The following ITGA2 variants were observed in gnomAD, a reference collection of about 807,000 sequenced individuals.
ITGA2 encodes integrin subunit alpha 2, also known as integrin alpha-2.
ITGA2 carries 101 observed loss-of-function variants against 146.3 expected under a neutral mutation model. The observed-to-expected ratio is 0.69, with a 90% CI of 0.59 to 0.81. The LOEUF (loss-of-function observed/expected upper bound fraction) is 0.81, where lower values mean the gene tolerates loss of function less well. Ranked by LOEUF, ITGA2 falls within the 40% of genes least tolerant of loss-of-function variation. The pLI is 0.00. For missense variants in ITGA2, 1,281 were observed against 1,402.7 expected (o/e 0.91, Z 1.39); for synonymous variants, 477 against 487.1 (o/e 0.98, Z 0.27).
chr5:53,080,447 T>A, intron 24 of ITGA2, 64 bp from the exon 25 acceptor site: 1 of 1,278,448 alleles, frequency 7.8e-7, no homozygotes, highest in South Asian at 1.2e-5. Context: ...ACGGGGTTAC[T>A]GGTGAATTTC....
chr5:53,009,023 G>A (rs1741991498), intron 1 of ITGA2, among the ~76,000 whole-genome samples: 1 of 152,122 alleles, frequency 6.6e-6, no homozygotes, highest in Admixed American at 6.5e-5. Context: ...GGCCCAGACA[G>A]ACACCTGCAC....
Position 53,073,174 on chromosome 5 carries a change from T to C in ITGA2, c.2486T>C (p.Leu829Pro). 2.5e-6 allele frequency: 4 copies of C among 1,612,492 alleles called. No individual in the cohort carries two copies. The highest frequency in any genetic ancestry group is 3.4e-6 in the Non-Finnish European group (4 of 1,178,926). ...AAAAGGTTAACATTTTCAGTAACGC[T>C]GAAAAATAAAAGGGAAAGTGCATAC... ...QNKRLTFSVT[L>P]KNKRESAYNT... Residue 829 changes from leucine to proline, a missense_variant, in exon 20 of 30, where the codon CTG becomes CCG. Transcript: ENST00000296585.
chr5:53,080,691 C>A, intron 25 of ITGA2, 70 bp downstream of exon 25: 3 of 1,100,970 alleles, frequency 2.7e-6, no homozygotes, highest in East Asian at 2.4e-5. Flanking sequence ...TTAGGGTGAT[C>A]ATGTCTGACA....
At chr5:53,044,163 T>A (rs977253642) in intron 3 of ITGA2, among the ~76,000 whole-genome samples, 3 of 149,656 alleles carry the variant, frequency 2.0e-5, no homozygotes, top group African/African-American at 7.4e-5. Flanking sequence ...TATTCCCAGC[T>A]ACTTGGGAGG....
At chr5:53,025,895 T>C (rs1002991024) in intron 1 of ITGA2, among the ~76,000 whole-genome samples, 2 of 152,220 alleles carry the variant, frequency 1.3e-5, no homozygotes, top group Admixed American at 1.3e-4. Context: ...GCTGTCAGTG[T>C]CATACAGAGA....
At chr5:53,078,924 A>T (rs892045382) in intron 24 of ITGA2, 50 bp downstream of exon 24, 9 of 1,002,668 alleles carry the variant, frequency 9.0e-6, no homozygotes, top group Non-Finnish European at 1.3e-5. Flanking sequence ...AGTGAGAAGA[A>T]AAAAAATGAG....
chr5:53,006,449 CTG>C (rs1429575932), intron 1 of ITGA2, among the ~76,000 whole-genome samples: 9 of 152,176 alleles, frequency 5.9e-5, no homozygotes, highest in Non-Finnish European at 1.2e-4. Context: ...TTAAATTAAT[CTG>C]TCTTTTAATT....
rs940470014 is a variant in ITGA2 at position 53,069,964 on chromosome 5, A to G, written c.2084-145A>G. 9.1e-6 allele frequency: 6 copies of G among 660,564 alleles called. No individual in the cohort carries two copies. In the African/African-American group the frequency reaches 9.1e-5, roughly 10 times the overall value. The allele number at this position is 660,564 out of a possible 1,614,324, so 40.9% of individuals were successfully genotyped here. On this transcript the variant is annotated intron_variant, in intron 16 of 29. Transcript: ENST00000296585. ...TGACAAATGCTTTGTGGTGCTAGCT[A>G]TGGTTCACAAGCCACCAATATGAAG... is the stretch of plus-strand genomic sequence containing the variant.
intron 2 of ITGA2, among the ~76,000 whole-genome samples, chr5:53,039,440 T>C (rs1242095257): frequency 1.3e-5 from 2 of 152,136 alleles, no homozygotes; most frequent in Non-Finnish European, 2.9e-5. Flanking sequence ...TTTTTACATT[T>C]ACTTGGACCA....
intron 25 of ITGA2, among the ~76,000 whole-genome samples, chr5:53,081,033 T>C (rs942361711): frequency 5.3e-5 from 8 of 152,092 alleles, no homozygotes; most frequent in African/African-American, 1.9e-4. Context: ...AATCCCTCTG[T>C]TCGCTCTTTT....
rs760138622 is a variant in ITGA2 at position 53,026,741 on chromosome 5, T to C, written c.65-7T>C. 3 of 1,606,000 alleles carry C rather than the reference T, an allele frequency of 1.9e-6. No homozygotes were observed. The highest frequency in any genetic ancestry group is 1.7e-6 in the Non-Finnish European group (2 of 1,172,738). Reference sequence around the variant, plus strand: ...AAATATGTGCTATTTCATATTTTTCTTAATAGGCATTTTAAATTGTTGTTT... The same window carrying C: ...AAATATGTGCTATTTCATATTTTTCCTAATAGGCATTTTAAATTGTTGTTT... On this transcript the variant is annotated splice_region_variant and splice_polypyrimidine_tract_variant and intron_variant, in intron 1 of 29. Coordinates refer to ENST00000296585, the MANE Select transcript of ITGA2 (RefSeq NM_002203.4).
chr5:53,067,955 C>T (rs1419157561), intron 16 of ITGA2, among the ~76,000 whole-genome samples: 1 of 151,858 alleles, frequency 6.6e-6, no homozygotes, highest in South Asian at 2.1e-4. Context: ...CTCTTCTGCC[C>T]CAATTATCTC....
intron 17 of ITGA2, 137 bp downstream of exon 17, chr5:53,070,397 TAAG>T (rs1219236779): frequency 7.9e-6 from 6 of 761,508 alleles, no homozygotes; most frequent in South Asian, 3.3e-5. Flanking sequence ...ATTCCATAAA[TAAG>T]AAGCATATTT....
intron 6 of ITGA2, 57 bp downstream of exon 6, chr5:53,048,827 G>T: frequency 6.3e-7 from 1 of 1,580,426 alleles, no homozygotes; most frequent in South Asian, 1.1e-5. Context: ...AAAAAATATT[G>T]TTAGCTATGA....
intron 16 of ITGA2, among the ~76,000 whole-genome samples, chr5:53,068,954 C>T (rs891336562): frequency 3.3e-5 from 5 of 149,944 alleles, no homozygotes; most frequent in African/African-American, 7.3e-5. Flanking sequence ...TCCTTTACAT[C>T]ATCTTCACAA....
At chr5:53,042,247 A>T (rs1743836144) in intron 3 of ITGA2, 26 bp downstream of exon 3, 1 of 1,351,430 alleles carries the variant, frequency 7.4e-7, no homozygotes, top group African/African-American at 1.4e-5. Flanking sequence ...CTTGCAAGGC[A>T]TGTGATTTGT....
rs1447537959 is a variant in ITGA2 at position 53,093,985 on chromosome 5, A to AAAG, written c.*3386_*3387insAAG. ...ACCTATTAAAACTGTGAAGAGTAAAACTAAAGCCAATTTATTATAGTCACA... is the reference window on the plus strand; with the variant it reads ...ACCTATTAAAACTGTGAAGAGTAAAAAAGCTAAAGCCAATTTATTATAGTCACA... On this transcript the variant is annotated 3_prime_UTR_variant, in exon 30 of 30. Coordinates refer to ENST00000296585, the MANE Select transcript of ITGA2 (RefSeq NM_002203.4). 1.7e-5 allele frequency: 2 copies of AAAG among 119,694 alleles called. No individual in the cohort carries two copies. The highest frequency in any genetic ancestry group is 3.2e-5 in the African/African-American group (1 of 31,406). 7.4% of individuals were successfully genotyped at this position (119,694 alleles called of 1,614,324 possible). A position where few individuals can be genotyped will look rare whatever the true frequency, so the allele number is the denominator to read the frequency against.
At chr5:53,072,109 A>G (rs1745428444) in intron 18 of ITGA2, 61 bp downstream of exon 18, 2 of 1,150,224 alleles carry the variant, frequency 1.7e-6, no homozygotes, top group Non-Finnish European at 1.3e-6. Flanking sequence ...AGTCACTGCA[A>G]TAGTGTCTGA....
chr5:53,023,650 G>T (rs1025379736), intron 1 of ITGA2, among the ~76,000 whole-genome samples: 4 of 152,146 alleles, frequency 2.6e-5, no homozygotes, highest in Non-Finnish European at 5.9e-5. Context: ...TTTTAAGTAT[G>T]TATAGACACA....
Sources: gnomAD v4.1 joint callset for allele counts (sites outside exome capture counted in the v4.1 genomes callset) on GRCh38, gnomAD v4.1.1 for gene constraint, MANE v1.5 for transcripts, NCBI Gene and HGNC (gene_info 2026-07-23, HGNC 2026-07-21) for gene names.